The following PSD3 variants were observed in gnomAD, a reference collection of about 807,000 sequenced individuals.
PSD3 encodes pleckstrin and Sec7 domain containing 3.
In PSD3, 49 loss-of-function variants were observed where a neutral mutation model predicts 105.5. That is an observed-to-expected ratio of 0.46 (90% CI 0.37 to 0.59). PSD3 has a LOEUF of 0.59. Ranked by LOEUF, PSD3 falls within the 20% of genes least tolerant of loss-of-function variation. The probability of loss-of-function intolerance (pLI) is 0.00; values close to 1 mark genes in which losing one functional copy is unlikely to be tolerated. For synonymous variants in PSD3, 557 were observed against 457.8 expected, an observed-to-expected ratio of 1.22 and a Z score of -2.77; for missense variants, 1,561 against 1,263.8, an observed-to-expected ratio of 1.24 and a Z score of -3.57.
chr8:18,605,217 G>T (rs965287585), intron 11 of PSD3, among the ~76,000 whole-genome samples: 2 of 152,188 alleles, frequency 1.3e-5, no homozygotes, highest in Non-Finnish European at 2.9e-5. Context: ...GCTGAACCCT[G>T]CAAAGCCACA....
chr8:18,722,792 T>A (rs936520759), intron 9 of PSD3, among the ~76,000 whole-genome samples: 2 of 152,166 alleles, frequency 1.3e-5, no homozygotes, highest in Non-Finnish European at 2.9e-5. Flanking sequence ...CTCATCTATC[T>A]ATAGAGCCCA....
intron 8 of PSD3, among the ~76,000 whole-genome samples, chr8:18,777,884 G>C (rs1015436860): frequency 2.6e-5 from 4 of 151,980 alleles, no homozygotes; most frequent in Non-Finnish European, 5.9e-5. Flanking sequence ...CCCTCATGAG[G>C]GAGAGCATAC....
At chr8:18,619,265 G>A (rs923699250) in intron 11 of PSD3, among the ~76,000 whole-genome samples, 1 of 152,042 alleles carries the variant, frequency 6.6e-6, no homozygotes, top group Non-Finnish European at 1.5e-5. Context: ...GTTCAGGCCC[G>A]ACTGACCAGC....
At chr8:18,712,940 T>C (rs184058344) in intron 9 of PSD3, among the ~76,000 whole-genome samples, 2 of 152,286 alleles carry the variant, frequency 1.3e-5, no homozygotes, top group Non-Finnish European at 2.9e-5. Flanking sequence ...TCCACCATGA[T>C]GAAGTTGGCT....
rs1217037852 is a variant in PSD3, at chr8:18,594,339, T to G, written c.2481+6025A>C. Among the ~76,000 whole-genome samples, 4 of 37,500 alleles carry G rather than the reference T, an allele frequency of 1.1e-4. No homozygotes were observed. The South Asian group carries it at 2.3e-3, about 21-fold the overall frequency. The allele number at this position is 37,500 out of a possible 152,430, so 24.6% of individuals were successfully genotyped here. A position where few individuals can be genotyped will look rare whatever the true frequency, so the allele number is the denominator to read the frequency against. On this transcript the variant is annotated intron_variant, in intron 12 of 15. Transcript: ENST00000327040. ...TATATATAATATATATTATAATATA[T>G]AATATATATTCTATATATTATATAA...
chr8:18,984,090 G>A (rs954130325), intron 1 of PSD3, among the ~76,000 whole-genome samples: 6 of 149,990 alleles, frequency 4.0e-5, no homozygotes, highest in East Asian at 1.9e-4. Context: ...TTAAAATATC[G>A]CAAGAATTAC....
chr8:18,620,342 GTTTTT>G (rs57785765), intron 11 of PSD3, among the ~76,000 whole-genome samples: 2 of 121,736 alleles, frequency 1.6e-5, no homozygotes, highest in East Asian at 2.2e-4. Flanking sequence ...TTGGGTTTGT[GTTTTT>G]TTTTTTTTTT....
chr8:18,897,017 G>A (rs994764665), intron 2 of PSD3, among the ~76,000 whole-genome samples: 7 of 151,856 alleles, frequency 4.6e-5, no homozygotes, highest in African/African-American at 1.5e-4. Flanking sequence ...TCCATGTTGA[G>A]GCTGGTCTCG....
chr8:18,586,076 G>A (rs987182411), intron 12 of PSD3, among the ~76,000 whole-genome samples: 1 of 152,086 alleles, frequency 6.6e-6, no homozygotes, highest in Non-Finnish European at 1.5e-5. Flanking sequence ...TGCCGACACT[G>A]TGCCCATGTG....
chr8:18,758,482 T>C (rs1037459350), intron 9 of PSD3, among the ~76,000 whole-genome samples: 5 of 152,050 alleles, frequency 3.3e-5, no homozygotes, highest in African/African-American at 2.4e-5. Flanking sequence ...CAGATCCTTT[T>C]TGGGGTTTGA....
chr8:18,939,761 G>C (rs776665937), intron 1 of PSD3, among the ~76,000 whole-genome samples: 1 of 152,164 alleles, frequency 6.6e-6, no homozygotes, highest in South Asian at 2.1e-4. Flanking sequence ...CTATCAAGAG[G>C]AGCCTGCTCA....
chr8:18,770,713 C>T (rs995795309), intron 8 of PSD3, among the ~76,000 whole-genome samples: 4 of 152,218 alleles, frequency 2.6e-5, no homozygotes, highest in African/African-American at 9.6e-5. Context: ...TGTTTGGGTG[C>T]TCTTTTAGCT....
At chr8:18,933,334 G>C (rs10046629) in intron 2 of PSD3, among the ~76,000 whole-genome samples, 2,074 of 151,644 alleles carry the variant, frequency 0.014, 40 homozygotes, top group African/African-American at 0.048. Context: ...GAACTATGTA[G>C]ACATTTGGTA....
intron 11 of PSD3, among the ~76,000 whole-genome samples, chr8:18,601,089 G>A (rs1453263634): frequency 2.0e-5 from 3 of 152,138 alleles, no homozygotes; most frequent in East Asian, 1.9e-4. Flanking sequence ...TCACCAAATC[G>A]AGTATACTGC....
intron 9 of PSD3, among the ~76,000 whole-genome samples, chr8:18,756,553 G>A (rs1806056569): frequency 7.3e-6 from 1 of 136,118 alleles, no homozygotes; most frequent in South Asian, 2.2e-4. Flanking sequence ...TCAAAATGAC[G>A]TTAAGAAAAT....
intron 8 of PSD3, among the ~76,000 whole-genome samples, chr8:18,790,514 G>A (rs545840798): frequency 2.0e-5 from 3 of 152,024 alleles, no homozygotes; most frequent in Non-Finnish European, 4.4e-5. Context: ...ATGTTAGCCA[G>A]GATGGTCTCT....
At position 18,670,500 on chromosome 8, in the gene PSD3, G is replaced by T. The variant is rs796591608; in HGVS notation, c.2173-14815C>A. 3.9e-5 allele frequency among the ~76,000 whole-genome samples: 6 copies of T among 152,264 alleles called. No individual in the cohort carries two copies. The East Asian group carries it at 1.2e-3, about 29-fold the overall frequency. ...AGGTGGAATCTGGGTGAGAGGTGAG[G>T]TAAGTTGACTGGGATGAAGGCAGGC... On this transcript the variant is annotated intron_variant, in intron 9 of 15. Coordinates refer to ENST00000327040, the MANE Select transcript of PSD3 (RefSeq NM_015310.4).
chr8:18,622,732 T>C (rs1171606067), intron 11 of PSD3, among the ~76,000 whole-genome samples: 1 of 152,174 alleles, frequency 6.6e-6, no homozygotes, highest in Non-Finnish European at 1.5e-5. Context: ...ATGTATTAAT[T>C]TGACAAATAA....
rs192533972 is a variant in PSD3 at position 19,028,535 on chromosome 8, T to C, written c.324+55671A>G. 2.9e-3 allele frequency among the ~76,000 whole-genome samples: 446 copies of C among 152,210 alleles called. 4 individuals carry two copies. Among genetic ancestry groups the C allele is most frequent in the African/African-American group, 0.01 (416 of 41,536 alleles). On this transcript the variant is annotated intron_variant, in intron 1 of 1. Transcript: ENST00000521475. ...TGTGCCCAACTCCCATTTTTTAAGA[T>C]GCATTTTTTATACTATTACTGATTT...
Sources: gnomAD v4.1 joint callset for allele counts (sites outside exome capture counted in the v4.1 genomes callset) on GRCh38, gnomAD v4.1.1 for gene constraint, MANE v1.5 for transcripts, NCBI Gene and HGNC (gene_info 2026-07-23, HGNC 2026-07-21) for gene names.